Variants in GALNT18 observed in about 807,000 individuals in gnomAD.
GALNT18 encodes the protein polypeptide N-acetylgalactosaminyltransferase 18.
GALNT18 carries 44 observed loss-of-function variants against 69.5 expected under a neutral mutation model. The ratio of observed to expected loss-of-function variants is 0.63; its 90% CI spans 0.50 to 0.81. GALNT18 has a LOEUF of 0.81. Ranked by LOEUF, GALNT18 falls within the 40% of genes least tolerant of loss-of-function variation. The pLI, the probability that GALNT18 is intolerant of heterozygous loss-of-function variation, is 0.00. For synonymous variants in GALNT18, 364 were observed against 318.2 expected, an observed-to-expected ratio of 1.14 and a Z score of -1.53; for missense variants, 715 against 810.0, an observed-to-expected ratio of 0.88 and a Z score of 1.42.
At position 11,320,834 on chromosome 11, in the gene GALNT18, G is replaced by A. The variant is rs1849829196; in HGVS notation, c.1512+6252C>T. The stretch of plus-strand genomic sequence containing the variant: ...CAGGCCACAGCCTCAACAGAGTCCT[G>A]CCACAGCAGCATCCCTACCCCTTCC... On this transcript the variant is annotated intron_variant, in intron 9 of 10. Transcript: ENST00000227756. This position sits in a 1 kb window ranked among gnomAD's most constrained non-coding sequence, Gnocchi z 4.9. 6.6e-6 allele frequency among the ~76,000 whole-genome samples: 1 copy of A among 152,150 alleles called. No individual in the cohort carries two copies. The highest frequency in any genetic ancestry group is 2.4e-5 in the African/African-American group (1 of 41,438).
At chr11:11,597,663 CTTT>C (rs1438591992) in intron 1 of GALNT18, among the ~76,000 whole-genome samples, 2 of 137,514 alleles carry the variant, frequency 1.5e-5, no homozygotes, top group Admixed American at 7.3e-5. Context: ...TTTGAGTATT[CTTT>C]TTTTTTTTTT....
Position 11,494,618 on chromosome 11 carries a change from C to T in GALNT18, c.236-45682G>A, listed in dbSNP as rs542945077. ...CAGCTCCCCTTCTTTCCACCGCTAT[C>T]TGCCACACATGAATTTCTACACAGC... On this transcript the variant is annotated intron_variant, in intron 1 of 10. Coordinates refer to ENST00000227756, the MANE Select transcript of GALNT18 (RefSeq NM_198516.3). This position sits in a 1 kb window ranked among gnomAD's most constrained non-coding sequence, Gnocchi z 5.7. Among the ~76,000 whole-genome samples the T allele has an allele frequency of 1.3e-5, 2 of 152,362 alleles. No homozygotes were observed. Among genetic ancestry groups the T allele is most frequent in the Non-Finnish European group, 2.9e-5 (2 of 68,040 alleles).
Position 11,338,570 on chromosome 11 carries a change from C to A in GALNT18, c.1278+2249G>T, listed in dbSNP as rs898336242. 2.0e-5 allele frequency among the ~76,000 whole-genome samples: 3 copies of A among 152,114 alleles called. No individual in the cohort carries two copies. Among genetic ancestry groups the A allele is most frequent in the African/African-American group, 7.2e-5 (3 of 41,408 alleles). On this transcript the variant is annotated intron_variant, in intron 7 of 10. Coordinates refer to ENST00000227756, the MANE Select transcript of GALNT18 (RefSeq NM_198516.3). This position sits in a 1 kb window ranked among gnomAD's most constrained non-coding sequence, Gnocchi z 5.3. The stretch of plus-strand genomic sequence containing the variant: ...ACCATGAACTGAGACAGGATGAGAA[C>A]AGGAGCAGATCTGGAGGAAGAAGAT...
rs1367443518 is a variant in GALNT18 at position 11,383,367 on chromosome 11, T to C, written c.596-4103A>G. Among the ~76,000 whole-genome samples, 3 of 152,198 alleles carry C rather than the reference T, an allele frequency of 2.0e-5. No homozygotes were observed. The highest frequency in any genetic ancestry group is 6.5e-5 in the Admixed American group (1 of 15,286). Reference sequence around the variant, plus strand: ...AGCCGGAAGGGTCTGGCATGGAGGCTGTTAATCTGATTTAAGTACTTAATG... The same window carrying C: ...AGCCGGAAGGGTCTGGCATGGAGGCCGTTAATCTGATTTAAGTACTTAATG... On this transcript the variant is annotated intron_variant, in intron 3 of 10. Transcript: ENST00000227756. This position sits in a 1 kb window ranked among gnomAD's most constrained non-coding sequence, Gnocchi z 5.2.
intron 1 of GALNT18, among the ~76,000 whole-genome samples, chr11:11,570,459 T>C (rs1013333052): frequency 6.6e-6 from 1 of 152,254 alleles, no homozygotes; most frequent in Admixed American, 6.5e-5. Flanking sequence ...GCCCCTGCCC[T>C]GCCCTTAACT....
In GALNT18 at chr11:11,379,073, GC is replaced by G. The variant is rs771310065; in HGVS notation, c.779+7del. The G allele has an allele frequency of 3.8e-6, 6 of 1,584,056 alleles. No individual in the cohort carries two copies. The Admixed American group carries it at 8.9e-5, about 24-fold the overall frequency. On this transcript the variant is annotated splice_region_variant and intron_variant, in intron 4 of 10. Transcript: ENST00000227756. ...GGGACTCCTCCTCCTCTCCCAAGGG[GC>G]ACTTACCAGCCCACATTGAACTCCA...
intron 2 of GALNT18, among the ~76,000 whole-genome samples, chr11:11,438,367 A>G (rs184732662): frequency 6.6e-6 from 1 of 152,318 alleles, no homozygotes; most frequent in East Asian, 1.9e-4. Context: ...TCTGGGGCTA[A>G]GAGACTGCAG....
At chr11:11,357,910 T>C (rs1850563641) in intron 6 of GALNT18, among the ~76,000 whole-genome samples, 1 of 152,210 alleles carries the variant, frequency 6.6e-6, no homozygotes, top group African/African-American at 2.4e-5. Context: ...AAATACAAAA[T>C]AAATGTTCAA....
chr11:11,274,020 T>C (rs1372070660), intron 10 of GALNT18, among the ~76,000 whole-genome samples: 5 of 152,122 alleles, frequency 3.3e-5, no homozygotes, highest in Non-Finnish European at 4.4e-5. Flanking sequence ...ACAGTGGGTG[T>C]AGCCCACGGA....
intron 6 of GALNT18, chr11:11,352,694 C>A (rs1347907364): frequency 6.2e-7 from 1 of 1,614,012 alleles, no homozygotes; most frequent in Non-Finnish European, 8.5e-7. Flanking sequence ...AATCCAGGGC[C>A]TTCAGAATCT....
Position 11,377,300 on chromosome 11 carries a change from T to C in GALNT18, c.859A>G (p.Asn287Asp), listed in dbSNP as rs1853789384. ...AGCGGGTACTCTTCTATCTCAAAGT[T>C]GTCATATTTGATGTTATCAAAGGAT... is the stretch of plus-strand genomic sequence containing the variant. ...SPSFDNIKYD[N>D]FEIEEYPLAA... Residue 287 changes from asparagine to aspartate, a missense_variant, in exon 5 of 11, where the codon AAC (asparagine) becomes GAC (aspartate). Transcript: ENST00000227756. The surrounding 1 kb of genome is among the most constrained non-coding windows in gnomAD (Gnocchi z 4.6). The C allele has an allele frequency of 6.2e-7, 1 of 1,614,080 alleles. No homozygotes were observed. The highest frequency in any genetic ancestry group is 1.7e-5 in the Admixed American group (1 of 60,024).
rs1273094934 is a variant in GALNT18 at position 11,337,681 on chromosome 11, G to A, written c.1278+3138C>T. Among the ~76,000 whole-genome samples the A allele has an allele frequency of 6.6e-6, 1 of 152,152 alleles. No homozygotes were observed. The highest frequency in any genetic ancestry group is 6.5e-5 in the Admixed American group (1 of 15,272). On this transcript the variant is annotated intron_variant, in intron 7 of 10. Coordinates refer to ENST00000227756, the MANE Select transcript of GALNT18 (RefSeq NM_198516.3). The surrounding 1 kb of genome is among the most constrained non-coding windows in gnomAD (Gnocchi z 4.9). ...CTCAAAGGATGGGGAAGATTTAGTA[G>A]GGGTGGTCATACAGGAAGAGGTAGA...
intron 9 of GALNT18, among the ~76,000 whole-genome samples, chr11:11,308,310 T>C (rs1590026485): frequency 1.3e-5 from 2 of 152,194 alleles, no homozygotes; most frequent in South Asian, 4.1e-4. Context: ...CATGAAGATA[T>C]GTTACTTTCA....
chr11:11,551,525 G>A (rs1352443386), intron 1 of GALNT18, among the ~76,000 whole-genome samples: 1 of 152,210 alleles, frequency 6.6e-6, no homozygotes. Flanking sequence ...AATCAAGGGT[G>A]CAGTGGCCTT....
At chr11:11,272,483 A>AG (rs1194686586) in intron 10 of GALNT18, among the ~76,000 whole-genome samples, 1 of 151,508 alleles carries the variant, frequency 6.6e-6, no homozygotes. Context: ...GCAGCACTGA[A>AG]GGCCTCCATG....
intron 1 of GALNT18, among the ~76,000 whole-genome samples, chr11:11,548,326 C>A (rs1203790713): frequency 6.6e-6 from 1 of 152,148 alleles, no homozygotes; most frequent in Non-Finnish European, 1.5e-5. Flanking sequence ...CCTAGTGAGA[C>A]TGCAGTAGGT....
chr11:11,485,951 C>T (rs1199105945), intron 1 of GALNT18, among the ~76,000 whole-genome samples: 4 of 152,142 alleles, frequency 2.6e-5, no homozygotes, highest in Admixed American at 2.0e-4. Context: ...GATCCTGAAC[C>T]TTGCACATGA....
In GALNT18 at chr11:11,511,486, T is replaced by G. The variant is rs1857164709; in HGVS notation, c.236-62550A>C. Among the ~76,000 whole-genome samples, 1 of 152,208 alleles carries G rather than the reference T, an allele frequency of 6.6e-6. No homozygotes were observed. The highest frequency in any genetic ancestry group is 2.4e-5 in the African/African-American group (1 of 41,462). On this transcript the variant is annotated intron_variant, in intron 1 of 10. Transcript: ENST00000227756. This position sits in a 1 kb window ranked among gnomAD's most constrained non-coding sequence, Gnocchi z 4.9. ...GGCCCCAGACAATCCTGAGGAGACC[T>G]GGCTAATGCAGTGGTTCTTTACTTC... is the stretch of plus-strand genomic sequence containing the variant.
Position 11,292,120 on chromosome 11 carries a change from C to T in GALNT18, c.1677+909G>A, listed in dbSNP as rs76902474. On this transcript the variant is annotated intron_variant, in intron 10 of 10. Coordinates refer to ENST00000227756, the MANE Select transcript of GALNT18 (RefSeq NM_198516.3). ...TTCCATGAATACAGGTGTTCCCTCC[C>T]GAACTTCCCTGGGAGTGTCCACCAT... 5.3e-3 allele frequency among the ~76,000 whole-genome samples: 814 copies of T among 152,224 alleles called. 3 individuals are homozygous for T. Among genetic ancestry groups the T allele is most frequent in the African/African-American group, 0.01 (436 of 41,538 alleles).
Sources: gnomAD v4.1 joint callset for allele counts (sites outside exome capture counted in the v4.1 genomes callset) on GRCh38, gnomAD v4.1.1 for gene constraint, Gnocchi (gnomAD v3.1) non-coding constraint, MANE v1.5 for transcripts, NCBI Gene and HGNC (gene_info 2026-07-23, HGNC 2026-07-21) for gene names.